The following SLC44A5 variants were observed in gnomAD, a reference collection of about 807,000 sequenced individuals.
SLC44A5 encodes choline transporter-like protein 5.
Under a neutral mutation model 101.8 loss-of-function variants are expected in SLC44A5, and 57 were observed. The observed-to-expected ratio is 0.56, with a 90% CI of 0.45 to 0.70. The LOEUF (loss-of-function observed/expected upper bound fraction) is 0.70, where lower values mean the gene tolerates loss of function less well. SLC44A5 is among the 30% of genes least tolerant of loss of function. SLC44A5 has a pLI of 0.00. For missense variants in SLC44A5, 737 were observed against 853.1 expected (o/e 0.86, Z 1.70); for synonymous variants, 281 against 290.9 (o/e 0.97, Z 0.35).
chr1:75,686,858 G>C, the SLC44A5 span, among the ~76,000 whole-genome samples: 1 of 152,146 alleles, frequency 6.6e-6, no homozygotes, highest in Non-Finnish European at 1.5e-5. Flanking sequence ...GCTGAACGTG[G>C]ATGTATTTGG....
chr1:75,380,740 G>A lies in SLC44A5; in HGVS notation c.52+15843C>T, dbSNP rs200100164. Among the ~76,000 whole-genome samples, 5 of 82,426 alleles carry A rather than the reference G, an allele frequency of 6.1e-5. 1 individual carries two copies. The highest frequency in any genetic ancestry group is 8.4e-5 in the Non-Finnish European group (4 of 47,772). 54.1% of individuals were successfully genotyped at this position (82,426 alleles called of 152,430 possible). On this transcript the variant is annotated intron_variant, in intron 3 of 23. Transcript: ENST00000370859. ...TTTGAAGTTCTACAATGAACCCATCGGAGATGCAAAGAAAAGGGCCTCCAC... is the reference window on the plus strand; with the variant it reads ...TTTGAAGTTCTACAATGAACCCATCAGAGATGCAAAGAAAAGGGCCTCCAC...
intron 1 of SLC44A5, among the ~76,000 whole-genome samples, chr1:75,587,394 T>C (rs4141466): frequency 0.3 from 46,280 of 152,060 alleles, 8,106 homozygotes; most frequent in East Asian, 0.77. Context: ...AAGTTAGTGG[T>C]TGATTAGCAG....
chr1:75,243,058 C>T (rs773148748), intron 7 of SLC44A5, 47 bp from the exon 8 acceptor site: 1 of 1,544,614 alleles, frequency 6.5e-7, no homozygotes, highest in African/African-American at 1.4e-5. Flanking sequence ...TGAACAAACC[C>T]AGGAACTACC....
At chr1:75,667,288 C>G in the SLC44A5 span, among the ~76,000 whole-genome samples, 2 of 152,006 alleles carry the variant, frequency 1.3e-5, no homozygotes. Flanking sequence ...ACACCAAGAA[C>G]AAACAGAGAG....
chr1:75,619,122 G>A, the SLC44A5 span, among the ~76,000 whole-genome samples: 71 of 148,864 alleles, frequency 4.8e-4, no homozygotes, highest in African/African-American at 1.7e-3. Flanking sequence ...GAAGGGGAGG[G>A]AGGAAGGGAG....
intron 3 of SLC44A5, among the ~76,000 whole-genome samples, chr1:75,370,021 T>C (rs550655928): frequency 2.6e-5 from 4 of 152,362 alleles, no homozygotes; most frequent in African/African-American, 9.6e-5. Context: ...GAAAATAAAA[T>C]TATTTGAATA....
intron 1 of SLC44A5, among the ~76,000 whole-genome samples, chr1:75,569,134 C>T (rs59996654): frequency 1.3e-5 from 2 of 152,146 alleles, no homozygotes; most frequent in Admixed American, 6.5e-5. Flanking sequence ...AATTGACTTC[C>T]CTTTTACCCA....
intron 3 of SLC44A5, among the ~76,000 whole-genome samples, chr1:75,353,115 TCTCA>T (rs1658810671): frequency 6.6e-6 from 1 of 152,156 alleles, no homozygotes; most frequent in African/African-American, 2.4e-5. Flanking sequence ...GTATGTTCTC[TCTCA>T]CTCTTTCTAA....
the SLC44A5 span, among the ~76,000 whole-genome samples, chr1:75,695,652 G>T: frequency 6.7e-6 from 1 of 149,968 alleles, no homozygotes; most frequent in Non-Finnish European, 1.5e-5. Flanking sequence ...AAGGTATGTT[G>T]TCAGCAAATA....
At chr1:75,362,853 T>C (rs1659595370) in intron 3 of SLC44A5, among the ~76,000 whole-genome samples, 1 of 152,028 alleles carries the variant, frequency 6.6e-6, no homozygotes, top group Non-Finnish European at 1.5e-5. Flanking sequence ...CACGCGAGTA[T>C]AAGTACAAGT....
At chr1:75,329,215 C>G (rs185893425) in intron 4 of SLC44A5, among the ~76,000 whole-genome samples, 2 of 152,134 alleles carry the variant, frequency 1.3e-5, no homozygotes, top group Non-Finnish European at 2.9e-5. Context: ...TTTGTTGGAC[C>G]TAGCAGTTTG....
At chr1:75,235,514 G>T (rs1327938690) in intron 11 of SLC44A5, among the ~76,000 whole-genome samples, 2 of 151,902 alleles carry the variant, frequency 1.3e-5, no homozygotes, top group South Asian at 4.1e-4. Context: ...GACAATAGGA[G>T]AATCAATTTA....
At chr1:75,215,731 A>T in intron 19 of SLC44A5, 23 bp downstream of exon 19, 1 of 1,398,426 alleles carries the variant, frequency 7.2e-7, no homozygotes, top group Non-Finnish European at 1.0e-6. Context: ...GCAGCTTAGT[A>T]AATAATAAAA....
the SLC44A5 span, among the ~76,000 whole-genome samples, chr1:75,625,718 A>G: frequency 6.6e-6 from 1 of 151,984 alleles, no homozygotes; most frequent in Non-Finnish European, 1.5e-5. Flanking sequence ...ATTTTCTGGT[A>G]CTCCTGTCTA....
At chr1:75,448,454 AG>A (rs1160924367) in intron 2 of SLC44A5, among the ~76,000 whole-genome samples, 2 of 152,334 alleles carry the variant, frequency 1.3e-5, no homozygotes, top group Middle Eastern at 3.4e-3. Flanking sequence ...GACGTTAGCT[AG>A]GTGGTCACCT....
At chr1:75,650,211 C>T in the SLC44A5 span, among the ~76,000 whole-genome samples, 2 of 152,182 alleles carry the variant, frequency 1.3e-5, no homozygotes, top group Non-Finnish European at 2.9e-5. Flanking sequence ...CAGCCCTCTT[C>T]CCAGCCTCCC....
In SLC44A5 at chr1:75,276,516, CTGAG is replaced by C. The variant is rs554542257; in HGVS notation, c.176-1478_176-1475del. ...AAGCATTTAGATTGTTAGATTTTCC[CTGAG>C]TGAGTCACTTAATTATTTTGAGTCC... On this transcript the variant is annotated intron_variant, in intron 5 of 23. Transcript: ENST00000370859. Among the ~76,000 whole-genome samples the C allele has an allele frequency of 1.8e-3, 268 of 152,040 alleles. 1 individual carries two copies. Among genetic ancestry groups the C allele is most frequent in the African/African-American group, 6.2e-3 (256 of 41,500 alleles).
the SLC44A5 span, among the ~76,000 whole-genome samples, chr1:75,694,117 G>A: frequency 6.6e-6 from 1 of 151,148 alleles, no homozygotes; most frequent in Non-Finnish European, 1.5e-5. Flanking sequence ...AAGCAGAAAG[G>A]CAAACGTTGA....
At chr1:75,577,336 C>G (rs1223573223) in intron 1 of SLC44A5, among the ~76,000 whole-genome samples, 1 of 152,240 alleles carries the variant, frequency 6.6e-6, no homozygotes, top group Non-Finnish European at 1.5e-5. Flanking sequence ...CCCAAGTCTA[C>G]AAAATCAGGC....
Sources: allele counts gnomAD v4.1 joint callset (sites outside exome capture counted in the v4.1 genomes callset), GRCh38; gene constraint gnomAD v4.1.1; transcripts MANE v1.5; gene names NCBI Gene and HGNC (gene_info 2026-07-23, HGNC 2026-07-21).